The following CCDC180 variants were observed in gnomAD, a reference collection of about 807,000 sequenced individuals.
CCDC180 encodes the protein coiled-coil domain-containing protein 180.
Under a neutral mutation model 209.2 loss-of-function variants are expected in CCDC180, and 154 were observed. That is an observed-to-expected ratio of 0.74 (90% CI 0.65 to 0.84). The LOEUF (loss-of-function observed/expected upper bound fraction) is 0.84, where lower values mean the gene tolerates loss of function less well. Ranked by LOEUF, CCDC180 falls within the 40% of genes least tolerant of loss-of-function variation. The pLI is 0.00. For missense variants in CCDC180, 1,874 were observed against 1,997.3 expected (o/e 0.94, Z 1.18); for synonymous variants, 778 against 749.1 (o/e 1.04, Z -0.63).
At position 97,343,504 on chromosome 9, in the gene CCDC180, T is replaced by C; in HGVS notation, c.2439T>C (p.Ser813=). 2.5e-6 allele frequency: 4 copies of C among 1,614,090 alleles called. No individual in the cohort carries two copies. Among genetic ancestry groups the C allele is most frequent in the Non-Finnish European group, 3.4e-6 (4 of 1,179,988 alleles). Reference sequence around the variant, plus strand: ...CCATGTTCATCAACGACACTTCCAGTGCCAAGTTCATAGAACAAGTGACAA... The same window carrying C: ...CCATGTTCATCAACGACACTTCCAGCGCCAAGTTCATAGAACAAGTGACAA... ...FSAMFINDTS[S]AKFIEQVTIP... Residue 813 remains serine (S), a synonymous_variant, in exon 19 of 37, where the codon AGT becomes AGC. Transcript: ENST00000529487.
chr9:97,340,075 GT>G (rs1826031415), intron 18 of CCDC180, among the ~76,000 whole-genome samples: 1 of 152,116 alleles, frequency 6.6e-6, no homozygotes, highest in African/African-American at 2.4e-5. Context: ...TTTTTTCAAA[GT>G]TTTTAGCTTC....
chr9:97,322,815 T>C lies in CCDC180; in HGVS notation c.1160-18T>C. Reference sequence around the variant, plus strand: ...CTCTTCCTTCTGGACTGATTTGCTTTGTTTTCTGCCCATGGAGACACCTAC... The same window carrying C: ...CTCTTCCTTCTGGACTGATTTGCTTCGTTTTCTGCCCATGGAGACACCTAC... On this transcript the variant is annotated intron_variant, in intron 11 of 36. Coordinates refer to ENST00000529487, the MANE Select transcript of CCDC180 (RefSeq NM_020893.6). 1 of 1,611,894 alleles carries C rather than the reference T, an allele frequency of 6.2e-7. No homozygotes were observed. Among genetic ancestry groups the C allele is most frequent in the Non-Finnish European group, 8.5e-7 (1 of 1,178,246 alleles).
At chr9:97,369,246 A>G (rs1309944104) in intron 31 of CCDC180, 3 of 152,216 alleles carry the variant, frequency 2.0e-5, no homozygotes, top group African/African-American at 4.8e-5. Flanking sequence ...GAGCAGGTCT[A>G]ACATACGGCC....
chr9:97,366,765 G>C lies in CCDC180; in HGVS notation c.4189+65G>C, dbSNP rs1826935423. ...GGCGCGAAGCCAGTGGTGGAGCTCGGCCTTGGCCTTGTGGCCTGGATCCTC... is the reference window on the plus strand; with the variant it reads ...GGCGCGAAGCCAGTGGTGGAGCTCGCCCTTGGCCTTGTGGCCTGGATCCTC... On this transcript the variant is annotated intron_variant, in intron 31 of 36. Transcript: ENST00000529487. This position sits in a 1 kb window ranked among gnomAD's most constrained non-coding sequence, Gnocchi z 4.3. 1 of 1,563,472 alleles carries C rather than the reference G, an allele frequency of 6.4e-7. No homozygotes were observed. Among genetic ancestry groups the C allele is most frequent in the African/African-American group, 1.4e-5 (1 of 73,552 alleles).
rs766512576 is a variant in CCDC180 at position 97,309,540 on chromosome 9, C to T, written c.196C>T (p.Arg66Ter). Residue 66 changes from arginine to a stop codon, truncating the protein, a stop_gained, in exon 3 of 37, where the codon CGA becomes TGA. Transcript: ENST00000529487. LOFTEE classifies it high-confidence loss of function. ...ETPEGEVMSP[R>*]QQKWMHSLPN... is the part of the protein sequence containing the mutation. ...TCCTGAAGGGGAGGTGATGTCTCCC[C>T]GACAGCAGAAGTGGATGCACAGCCT... The T allele has an allele frequency of 1.0e-5, 16 of 1,597,526 alleles. No homozygotes were observed. The highest frequency in any genetic ancestry group is 2.3e-5 in the South Asian group (2 of 88,322).
intron 28 of CCDC180, 129 bp downstream of exon 28, chr9:97,362,570 C>A: frequency 7.4e-7 from 1 of 1,355,076 alleles, no homozygotes; most frequent in Non-Finnish European, 9.9e-7. Context: ...TGGGACTCCA[C>A]GGGGCGCAGT....
At chr9:97,350,622 C>G (rs1035935419) in intron 22 of CCDC180, 67 bp downstream of exon 22, 24 of 1,472,630 alleles carry the variant, frequency 1.6e-5, no homozygotes, top group Admixed American at 2.3e-5. Flanking sequence ...GGTCTTGTTT[C>G]CCCCTTAATT....
chr9:97,335,332 C>A (rs1825869033), intron 18 of CCDC180, among the ~76,000 whole-genome samples: 1 of 152,108 alleles, frequency 6.6e-6, no homozygotes, highest in African/African-American at 2.4e-5. Flanking sequence ...TCCCCCATTC[C>A]CCCACCCCAC....
At position 97,369,954 on chromosome 9, in the gene CCDC180, C is replaced by G. The variant is rs1827030418; in HGVS notation, c.4222C>G (p.Leu1408Val). The change falls in exon 32 of 37, where the codon CTG becomes GTG. Residue 1408 changes from leucine to valine, a missense_variant. By Grantham distance (32) the Leu-to-Val change is conservative. Coordinates refer to ENST00000529487, the MANE Select transcript of CCDC180 (RefSeq NM_020893.6). ...GATCCAGATCAGGAGATTTGAGGAG[C>G]TGCTGCCCCAAGTGTGTTGGCTGGT... ...LRIQIRRFEE[L>V]LPQVCWLVME... 4 of 1,614,172 alleles carry G rather than the reference C, an allele frequency of 2.5e-6. No homozygotes were observed. In the Admixed American group the frequency reaches 5.0e-5, roughly 20 times the overall value.
Position 97,318,508 on chromosome 9 carries a change from G to A in CCDC180, c.1005G>A (p.Thr335=), listed in dbSNP as rs776205086. ...SESIHTPPAV[T]KELEVMLKTQ... ...GTATCCATACTCCCCCGGCTGTGACGAAGGAGCTAGAGGTCATGCTGAAGA... is the reference window on the plus strand; with the variant it reads ...GTATCCATACTCCCCCGGCTGTGACAAAGGAGCTAGAGGTCATGCTGAAGA... The change falls in exon 10 of 37, where the codon ACG becomes ACA. Residue 335 remains threonine, a synonymous_variant. Transcript: ENST00000529487. 3.7e-6 allele frequency: 6 copies of A among 1,613,722 alleles called. No homozygotes were observed. The highest frequency in any genetic ancestry group is 4.5e-5 in the East Asian group (2 of 44,882).
At position 97,377,212 on chromosome 9, in the gene CCDC180, C is replaced by T. The variant is rs564941097; in HGVS notation, c.*318C>T. 9 of 195,298 alleles carry T rather than the reference C, an allele frequency of 4.6e-5. No individual in the cohort carries two copies. The East Asian group carries it at 1.0e-3, about 23-fold the overall frequency. The allele number at this position is 195,298 out of a possible 1,614,324, so 12.1% of individuals were successfully genotyped here. Reference sequence around the variant, plus strand: ...TCCAAACAGCATGCTGGGCAGGGCACGTCATCTTGAAAAATGAAATAAAGG... The same window carrying T: ...TCCAAACAGCATGCTGGGCAGGGCATGTCATCTTGAAAAATGAAATAAAGG... On this transcript the variant is annotated 3_prime_UTR_variant, in exon 37 of 37. Transcript: ENST00000529487.
intron 18 of CCDC180, among the ~76,000 whole-genome samples, chr9:97,341,012 T>A (rs1826061778): frequency 6.6e-6 from 1 of 152,214 alleles, no homozygotes; most frequent in Non-Finnish European, 1.5e-5. Context: ...TTAGTGAAAG[T>A]ACTAAAAGTC....
intron 35 of CCDC180, among the ~76,000 whole-genome samples, chr9:97,375,181 T>C (rs1010986346): frequency 6.6e-6 from 1 of 152,162 alleles, no homozygotes; most frequent in African/African-American, 2.4e-5. Context: ...GTGAGTAAAC[T>C]GAGGCTCAGA....
chr9:97,365,441 G>C (rs1826891061), intron 29 of CCDC180: 1 of 490,972 alleles, frequency 2.0e-6, no homozygotes. Context: ...AGAAATTGCA[G>C]CTGAGCTGGG....
At chr9:97,343,627 TAA>T (rs34335877) in intron 19 of CCDC180, 64 bp downstream of exon 19, 1,527 of 924,514 alleles carry the variant, frequency 1.7e-3, no homozygotes, top group South Asian at 2.4e-3. Context: ...GGTGAAATAT[TAA>T]AAAAAAAAAA....
Position 97,323,858 on chromosome 9 carries a change from G to T in CCDC180, c.1326G>T (p.Val442=), listed in dbSNP as rs772397079. 5.1e-6 allele frequency: 8 copies of T among 1,555,404 alleles called. No individual in the cohort carries two copies. In the South Asian group the frequency reaches 9.5e-5, roughly 18 times the overall value. ...TLVNQFFFQM[V]GALQGKVEED... Reference sequence around the variant, plus strand: ...TGAACCAGTTCTTCTTCCAGATGGTGGGAGCACTCCAGGGCAAAGTGGAGG... The same window carrying T: ...TGAACCAGTTCTTCTTCCAGATGGTTGGAGCACTCCAGGGCAAAGTGGAGG... The change falls in exon 13 of 37, where the codon GTG becomes GTT. Residue 442 remains valine, a synonymous_variant. Coordinates refer to ENST00000529487, the MANE Select transcript of CCDC180 (RefSeq NM_020893.6).
chr9:97,345,597 A>G (rs1406484475), intron 19 of CCDC180: 9 of 424,928 alleles, frequency 2.1e-5, no homozygotes, highest in South Asian at 1.0e-4. Flanking sequence ...TTAATTATAT[A>G]TTCTGTAGCC....
At chr9:97,323,025 C>T (rs569132207) in intron 12 of CCDC180, 104 bp downstream of exon 12, 128 of 797,986 alleles carry the variant, frequency 1.6e-4, no homozygotes, top group Middle Eastern at 6.1e-4. Flanking sequence ...GCTATGTCCC[C>T]ACTTCACACC....
In CCDC180 at chr9:97,322,544, A is replaced by G. The variant is rs534071411; in HGVS notation, c.1160-289A>G. On this transcript the variant is annotated intron_variant, in intron 11 of 36. Transcript: ENST00000529487. Reference sequence around the variant, plus strand: ...TCTCCACTCTCATTACTGGTTTACAACTTGGTGCAGTTTCCCAAAAGGAAT... The same window carrying G: ...TCTCCACTCTCATTACTGGTTTACAGCTTGGTGCAGTTTCCCAAAAGGAAT... Among the ~76,000 whole-genome samples the G allele has an allele frequency of 2.6e-5, 4 of 152,344 alleles. No homozygotes were observed. The South Asian group carries it at 8.3e-4, about 32-fold the overall frequency.
Sources: gnomAD v4.1 joint callset for allele counts (sites outside exome capture counted in the v4.1 genomes callset) on GRCh38, gnomAD v4.1.1 for gene constraint, Gnocchi (gnomAD v3.1) non-coding constraint, MANE v1.5 for transcripts, NCBI Gene and HGNC (gene_info 2026-07-23, HGNC 2026-07-21) for gene names.